The following KNDC1 variants were observed in gnomAD, a reference collection of about 807,000 sequenced individuals.
KNDC1 encodes the protein kinase non-catalytic C-lobe domain containing 1.
KNDC1 carries 106 observed loss-of-function variants against 172.8 expected under a neutral mutation model. The ratio of observed to expected loss-of-function variants is 0.61; its 90% confidence interval spans 0.52 to 0.72. The LOEUF (loss-of-function observed/expected upper bound fraction) is 0.72, where lower values mean the gene tolerates loss of function less well. Ranked by LOEUF, KNDC1 falls within the 30% of genes least tolerant of loss-of-function variation. KNDC1 has a pLI of 0.00. For missense variants in KNDC1, 2,325 were observed against 2,394.5 expected, an observed-to-expected ratio of 0.97 and a Z score of 0.61; for synonymous variants, 1,083 against 1,062.2, an observed-to-expected ratio of 1.02 and a Z score of -0.38.
chr10:133,224,424 G>A lies in KNDC1; in HGVS notation c.5019-235G>A, dbSNP rs11101647. On this transcript the variant is annotated intron_variant, in intron 29 of 29. Transcript: ENST00000304613. The surrounding 1 kb of genome is among the most constrained non-coding windows in gnomAD (Gnocchi z 5.4). The stretch of plus-strand genomic sequence containing the variant: ...GCAGGGACGAGCCTGAGCCTGCAGG[G>A]TTTCCATAAGCGTGTGTGGACTGAA... 0.056 allele frequency among the ~76,000 whole-genome samples: 8,496 copies of A among 152,186 alleles called. 396 individuals carry two copies. Among genetic ancestry groups the A allele is most frequent in the African/African-American group, 0.12 (5,152 of 41,500 alleles).
chr10:133,171,007 C>T lies in KNDC1; in HGVS notation c.360+2695C>T, dbSNP rs191152496. On this transcript the variant is annotated intron_variant, in intron 3 of 29. Coordinates refer to ENST00000304613, the MANE Select transcript of KNDC1 (RefSeq NM_152643.8). ...GGTGTCCTCTGCTGAAAAGTAGTTG[C>T]TCGATTTTAATATAATCAAATGTTT... Among the ~76,000 whole-genome samples the T allele has an allele frequency of 1.2e-3, 180 of 152,390 alleles. 1 individual carries two copies. The highest frequency in any genetic ancestry group is 2.0e-3 in the Non-Finnish European group (137 of 68,044).
At chr10:133,205,183 G>A (rs1845152558) in intron 17 of KNDC1, among the ~76,000 whole-genome samples, 1 of 152,212 alleles carries the variant, frequency 6.6e-6, no homozygotes, top group Non-Finnish European at 1.5e-5. Context: ...ACGCCCGTGT[G>A]CCTGTCCCGT....
chr10:133,206,511 A>G (rs1167339358), intron 17 of KNDC1, among the ~76,000 whole-genome samples, 174 bp from the exon 18 acceptor site: 1 of 151,658 alleles, frequency 6.6e-6, no homozygotes, highest in Non-Finnish European at 1.5e-5. Flanking sequence ...CCCAGACCAC[A>G]CTGCCCAGGC....
At chr10:133,202,124 T>C (rs1201370270) in intron 17 of KNDC1, 3 of 706,302 alleles carry the variant, frequency 4.2e-6, no homozygotes, top group Non-Finnish European at 7.7e-6. Flanking sequence ...TCCTGGTGGC[T>C]CCACGTCTGA....
In KNDC1 at chr10:133,206,860, C is replaced by T. The variant is rs756533383; in HGVS notation, c.3486C>T (p.Ser1162=). The change falls in exon 19 of 30, where the codon TCC becomes TCT. Residue 1162 remains serine, a synonymous_variant. Coordinates refer to ENST00000304613, the MANE Select transcript of KNDC1 (RefSeq NM_152643.8). ...LLQKEKRNKG[S]DVKTMLSKLK... ...CCCACTCTGCTCCACCCACAGGTTC[C>T]GACGTCAAGACCATGCTGTCCAAGC... The T allele has an allele frequency of 8.1e-6, 13 of 1,613,988 alleles. No individual in the cohort carries two copies. Among genetic ancestry groups the T allele is most frequent in the African/African-American group, 2.7e-5 (2 of 74,950 alleles).
At chr10:133,205,442 C>G (rs1330539099) in intron 17 of KNDC1, among the ~76,000 whole-genome samples, 2 of 152,238 alleles carry the variant, frequency 1.3e-5, no homozygotes, top group Admixed American at 1.3e-4. Context: ...GGCTCCATCT[C>G]GCAGGCAGGA....
intron 28 of KNDC1, 26 bp from the exon 29 acceptor site, chr10:133,219,929 G>A: frequency 2.6e-6 from 4 of 1,543,482 alleles, no homozygotes; most frequent in African/African-American, 2.7e-5. Flanking sequence ...GTCTCTCCCC[G>A]GCCCACGCCC....
intron 1 of KNDC1, among the ~76,000 whole-genome samples, chr10:133,161,296 C>T (rs1852961269): frequency 6.6e-6 from 1 of 152,182 alleles, no homozygotes; most frequent in African/African-American, 2.4e-5. Flanking sequence ...GACCCTCACC[C>T]TCCAGGGATC....
Position 133,211,701 on chromosome 10 carries a change from C to A in KNDC1, c.4079C>A (p.Ala1360Asp), listed in dbSNP as rs1845369134. 6.2e-6 allele frequency: 10 copies of A among 1,603,160 alleles called. No individual in the cohort carries two copies. The highest frequency in any genetic ancestry group is 8.5e-6 in the Non-Finnish European group (10 of 1,174,622). ...TAGATCCTACCCCTGGACGGCTCTG[C>A]CAAGCACCTGCTGGGCCTCCTGGAG... ...SSKILPLDGSAKHLLGLLEVG... is the reference protein window; with the variant it reads ...SSKILPLDGSDKHLLGLLEVG... Residue 1360 changes from alanine (A) to aspartate (D), a missense_variant, in exon 23 of 30, where the codon GCC becomes GAC. By Grantham distance (126) the Ala-to-Asp change is moderately radical. Transcript: ENST00000304613.
In KNDC1 at chr10:133,185,959, C is replaced by T; in HGVS notation, c.626-15C>T. ...GAGGGGCACCCAGCCGTGACCACAT[C>T]TTGCTTGTGCCCAGATGTCAGCGAG... On this transcript the variant is annotated splice_polypyrimidine_tract_variant and intron_variant, in intron 5 of 29. Transcript: ENST00000304613. 1.5e-6 allele frequency: 2 copies of T among 1,336,026 alleles called. No homozygotes were observed. The highest frequency in any genetic ancestry group is 2.0e-6 in the Non-Finnish European group (2 of 1,020,188). The allele number at this position is 1,336,026 out of a possible 1,614,324, so 82.8% of individuals were successfully genotyped here.
Position 133,224,820 on chromosome 10 carries a change from A to C in KNDC1, c.5180A>C (p.Gln1727Pro). Residue 1727 changes from glutamine (Q) to proline (P), a missense_variant, in exon 30 of 30, where the codon CAG (glutamine) becomes CCG (proline). Transcript: ENST00000304613. This position sits in a 1 kb window ranked among gnomAD's most constrained non-coding sequence, Gnocchi z 5.4. ...GCAGATAGCAGGGCCAACTTCCACC[A>C]GGTCTCCAGCGAGAAGCACTCACGG... ...LAADSRANFH[Q>P]VSSEKHSRKI... The C allele has an allele frequency of 1.2e-6, 2 of 1,614,096 alleles. No homozygotes were observed. The highest frequency in any genetic ancestry group is 1.7e-6 in the Non-Finnish European group (2 of 1,180,020).
intron 11 of KNDC1, 90 bp downstream of exon 11, chr10:133,197,225 C>A: frequency 1.0e-6 from 1 of 985,740 alleles, no homozygotes; most frequent in Non-Finnish European, 1.6e-6. Flanking sequence ...CCGCTCCCGG[C>A]AGCCCCACAC....
chr10:133,199,192 A>C lies in KNDC1; in HGVS notation c.2684A>C (p.Glu895Ala). The change falls in exon 14 of 30, where the codon GAG (glutamate) becomes GCG (alanine). Residue 895 changes from glutamate (E) to alanine (A), a missense_variant. Coordinates refer to ENST00000304613, the MANE Select transcript of KNDC1 (RefSeq NM_152643.8). The stretch of plus-strand genomic sequence containing the variant: ...AGGACGGCCTGCCCGTCGCTGCAGG[A>C]GGCCACGCGCCTCATCCAGGAGGAA... Reference protein sequence around the residue: ...PGRTACPSLQEATRLIQEEFA... With the variant: ...PGRTACPSLQAATRLIQEEFA... The C allele has an allele frequency of 6.3e-7, 1 of 1,588,072 alleles. No individual in the cohort carries two copies. The highest frequency in any genetic ancestry group is 8.6e-7 in the Non-Finnish European group (1 of 1,167,754).
Position 133,188,604 on chromosome 10 carries a change from C to T in KNDC1, c.1392C>T (p.Ala464=), listed in dbSNP as rs1438851396. The stretch of plus-strand genomic sequence containing the variant: ...CCTTCCGGGAGTACGAGCTGTGGGC[C>T]CTGTGCCTGGCCTGCCTCCGCGCAC... ...GRPFREYELW[A]LCLACLRALQ... Residue 464 remains alanine (A), a synonymous_variant, in exon 7 of 30, where the codon GCC becomes GCT. Coordinates refer to ENST00000304613, the MANE Select transcript of KNDC1 (RefSeq NM_152643.8). The T allele has an allele frequency of 6.3e-7, 1 of 1,598,082 alleles. No homozygotes were observed. The highest frequency in any genetic ancestry group is 8.5e-7 in the Non-Finnish European group (1 of 1,174,028).
intron 17 of KNDC1, among the ~76,000 whole-genome samples, chr10:133,205,155 G>A (rs147293553): frequency 1.3e-5 from 2 of 152,296 alleles, no homozygotes; most frequent in South Asian, 2.1e-4. Context: ...TCCTCAGGGC[G>A]CCCCTCCTCC....
intron 9 of KNDC1, 108 bp downstream of exon 9, chr10:133,189,921 A>G: frequency 1.0e-6 from 1 of 973,298 alleles, no homozygotes; most frequent in African/African-American, 1.6e-5. Flanking sequence ...GAGTCAGGGC[A>G]GCCCTTCCTG....
chr10:133,202,549 AG>A (rs1351281185), intron 17 of KNDC1: 1 of 451,626 alleles, frequency 2.2e-6, no homozygotes, highest in African/African-American at 2.0e-5. Flanking sequence ...GGATGACAGG[AG>A]GGGCCCAGTG....
Position 133,163,787 on chromosome 10 carries a change from G to T in KNDC1, c.102+3218G>T, listed in dbSNP as rs1272141947. On this transcript the variant is annotated intron_variant, in intron 1 of 29. Transcript: ENST00000304613. This position sits in a 1 kb window ranked among gnomAD's most constrained non-coding sequence, Gnocchi z 4.4. ...CTGCCATGAGATAAGGGTCCTCGGT[G>T]GGAAGCGTGCCCTGCCCTCTGAGAC... Among the ~76,000 whole-genome samples the T allele has an allele frequency of 2.0e-5, 3 of 152,190 alleles. No homozygotes were observed. The highest frequency in any genetic ancestry group is 1.3e-4 in the Admixed American group (2 of 15,290).
chr10:133,206,602 C>T lies in KNDC1; in HGVS notation c.3388-83C>T, dbSNP rs1296948206. On this transcript the variant is annotated intron_variant, in intron 17 of 29. Coordinates refer to ENST00000304613, the MANE Select transcript of KNDC1 (RefSeq NM_152643.8). The stretch of plus-strand genomic sequence containing the variant: ...AGCTGATCTCCAAGGCCAAGGAGGC[C>T]CCAGTGGGGTGGGGCCTGGCCCTGG... The T allele has an allele frequency of 9.6e-6, 11 of 1,143,938 alleles. No individual in the cohort carries two copies. In the East Asian group the frequency reaches 2.3e-4, roughly 24 times the overall value. The allele number at this position is 1,143,938 out of a possible 1,614,324, so 70.9% of individuals were successfully genotyped here. A position where few individuals can be genotyped will look rare whatever the true frequency, so the allele number is the denominator to read the frequency against.
Sources: allele counts gnomAD v4.1 joint callset (sites outside exome capture counted in the v4.1 genomes callset), GRCh38; gene constraint gnomAD v4.1.1; non-coding constraint Gnocchi (gnomAD v3.1); transcripts MANE v1.5; gene names NCBI Gene and HGNC (gene_info 2026-07-23, HGNC 2026-07-21).